Variants in ZSCAN16 observed in about 807,000 individuals in gnomAD.
The protein encoded by ZSCAN16 is zinc finger and SCAN domain-containing protein 16.
A neutral mutation model predicts 19.4 loss-of-function variants in ZSCAN16; 15 were observed. That is an observed-to-expected ratio of 0.77 (90% confidence interval 0.52 to 1.19). The LOEUF (loss-of-function observed/expected upper bound fraction) is 1.19. Among genes scored for constraint, ZSCAN16 ranks in the 50% most tolerant of loss-of-function variants. ZSCAN16 has a pLI of 0.00. For synonymous variants in ZSCAN16, 138 were observed against 146.5 expected, an observed-to-expected ratio of 0.94 and a Z score of 0.42; for missense variants, 327 against 415.7, an observed-to-expected ratio of 0.79 and a Z score of 1.86.
chr6:28,126,879 A>C lies in ZSCAN16; in HGVS notation c.484A>C (p.Lys162Gln). ...ESLTVQLHPK[K>Q]TQLEQEAGKP... ...ACTGACTGTCCAGCTCCATCCCAAA[A>C]AGACCCAGCTGGAGCAGGAAGCTGG... Residue 162 changes from lysine (K) to glutamine (Q), a missense_variant, in exon 3 of 4, where the codon AAG becomes CAG. By Grantham distance (53) the Lys-to-Gln change is moderately conservative. Coordinates refer to ENST00000340487, the MANE Select transcript of ZSCAN16 (RefSeq NM_025231.3). 3.2e-6 allele frequency: 5 copies of C among 1,584,342 alleles called. No individual in the cohort carries two copies. The highest frequency in any genetic ancestry group is 4.3e-6 in the Non-Finnish European group (5 of 1,160,508).
rs375897445 is a variant in ZSCAN16 at position 28,126,768 on chromosome 6, C to G, written c.388-15C>G. The G allele has an allele frequency of 7.0e-7, 1 of 1,418,742 alleles. No homozygotes were observed. The highest frequency in any genetic ancestry group is 1.5e-5 in the African/African-American group (1 of 68,808). The allele number at this position is 1,418,742 out of a possible 1,614,324, so 87.9% of individuals were successfully genotyped here. On this transcript the variant is annotated splice_polypyrimidine_tract_variant and intron_variant, in intron 2 of 3. Transcript: ENST00000340487. Reference sequence around the variant, plus strand: ...GTTTCCATAAAATTCACCTTACACACCTCATTTTCCCTAGGTCCCAGGCAA... The same window carrying G: ...GTTTCCATAAAATTCACCTTACACAGCTCATTTTCCCTAGGTCCCAGGCAA...
rs191754783 is a variant in ZSCAN16 at position 28,125,344 on chromosome 6, A to G, written c.-31-69A>G. On this transcript the variant is annotated intron_variant, in intron 1 of 3. Coordinates refer to ENST00000340487, the MANE Select transcript of ZSCAN16 (RefSeq NM_025231.3). This position sits in a 1 kb window ranked among gnomAD's most constrained non-coding sequence, Gnocchi z 6.2. The stretch of plus-strand genomic sequence containing the variant: ...AAATTTTTGTAATTTCTCTATGGTA[A>G]CAACTTTTTATGCCTTAGGAGTGTC... 1.3e-3 allele frequency: 1,907 copies of G among 1,501,814 alleles called. 11 individuals are homozygous for G. The African/African-American group carries it at 0.014, about 11-fold the overall frequency. The allele number at this position is 1,501,814 out of a possible 1,614,324, so 93.0% of individuals were successfully genotyped here. A position where few individuals can be genotyped will look rare whatever the true frequency, so the allele number is the denominator to read the frequency against.
chr6:28,126,005 C>T (rs1307434595), intron 2 of ZSCAN16, among the ~76,000 whole-genome samples, 175 bp downstream of exon 2: 1 of 152,168 alleles, frequency 6.6e-6, no homozygotes, highest in African/African-American at 2.4e-5. Context: ...AGAGGAGAGT[C>T]ACTAGACTGA....
Position 28,125,932 on chromosome 6 carries a change from G to C in ZSCAN16, c.387+102G>C. The C allele has an allele frequency of 1.1e-6, 1 of 948,548 alleles. No individual in the cohort carries two copies. Among genetic ancestry groups the C allele is most frequent in the Non-Finnish European group, 1.5e-6 (1 of 647,204 alleles). The allele number at this position is 948,548 out of a possible 1,614,324, so 58.8% of individuals were successfully genotyped here. On this transcript the variant is annotated intron_variant, in intron 2 of 3. Transcript: ENST00000340487. This position sits in a 1 kb window ranked among gnomAD's most constrained non-coding sequence, Gnocchi z 6.2. ...CATCTGAAAATATTTATCCTCTAAA[G>C]AACAAGGCATAGGAAGGGACCTGAC...
At position 28,125,748 on chromosome 6, in the gene ZSCAN16, G is replaced by A. The variant is rs34879925; in HGVS notation, c.305G>A (p.Arg102His). 3,630 of 1,614,124 alleles carry A rather than the reference G, an allele frequency of 2.2e-3. 35 individuals carry two copies. In the African/African-American group the frequency reaches 0.023, roughly 10 times the overall value. ...CCTAAAGACCTGCAAGCATGGGTGC[G>A]TGCACACCATCCAGAGACTGGAGAG... ...ILPKDLQAWV[R>H]AHHPETGEEA... is the part of the protein sequence containing the mutation. The change falls in exon 2 of 4, where the codon CGT (arginine) becomes CAT (histidine). Residue 102 changes from arginine (R) to histidine (H), a missense_variant. By Grantham distance (29) the Arg-to-His change is conservative. Transcript: ENST00000340487. This position sits in a 1 kb window ranked among gnomAD's most constrained non-coding sequence, Gnocchi z 6.2.
chr6:28,127,282 A>G (rs1364204659), intron 3 of ZSCAN16, among the ~76,000 whole-genome samples: 1 of 152,148 alleles, frequency 6.6e-6, no homozygotes, highest in Non-Finnish European at 1.5e-5. Context: ...CCATGGACTT[A>G]TGGGTGGCTT....
rs756394908 is a variant in ZSCAN16 at position 28,129,670 on chromosome 6, G to A, written c.767G>A (p.Arg256Lys). Residue 256 changes from arginine to lysine, a missense_variant, in exon 4 of 4, where the codon AGA (arginine) becomes AAA (lysine). Arg to Lys is a conservative substitution (Grantham distance 26, BLOSUM62 2). Coordinates refer to ENST00000340487, the MANE Select transcript of ZSCAN16 (RefSeq NM_025231.3). ...SHSSDLSKHR[R>K]THTGEKPYKC... ...AGCTCAGACCTTAGTAAACACAGGAGAACTCACACGGGAGAGAAGCCCTAT... is the reference window on the plus strand; with the variant it reads ...AGCTCAGACCTTAGTAAACACAGGAAAACTCACACGGGAGAGAAGCCCTAT... 2 of 1,614,212 alleles carry A rather than the reference G, an allele frequency of 1.2e-6. No homozygotes were observed. The highest frequency in any genetic ancestry group is 2.7e-5 in the African/African-American group (2 of 75,074).
chr6:28,125,196 C>T lies in ZSCAN16; in HGVS notation c.-31-217C>T, dbSNP rs1267480307. 6.6e-6 allele frequency among the ~76,000 whole-genome samples: 1 copy of T among 151,030 alleles called. No homozygotes were observed. Among genetic ancestry groups the T allele is most frequent in the African/African-American group, 2.5e-5 (1 of 40,512 alleles). The stretch of plus-strand genomic sequence containing the variant: ...TACACAATAGAGCACAGATTCAAAT[C>T]ATATCCCTGCGTCACTGTTTTTTGT... On this transcript the variant is annotated intron_variant, in intron 1 of 3. Coordinates refer to ENST00000340487, the MANE Select transcript of ZSCAN16 (RefSeq NM_025231.3). The surrounding 1 kb of genome is among the most constrained non-coding windows in gnomAD (Gnocchi z 6.2).
intron 3 of ZSCAN16, among the ~76,000 whole-genome samples, chr6:28,128,109 C>T (rs539977605): frequency 2.6e-5 from 4 of 152,132 alleles, no homozygotes; most frequent in South Asian, 4.2e-4. Flanking sequence ...TTAGAAGTGA[C>T]GTTAAGAACC....
intron 3 of ZSCAN16, among the ~76,000 whole-genome samples, chr6:28,128,404 C>T (rs1764962967): frequency 6.6e-6 from 1 of 152,088 alleles, no homozygotes; most frequent in South Asian, 2.1e-4. Context: ...CTTCAAGAAG[C>T]AGGAGAGTGA....
At chr6:28,129,253 C>A in intron 3 of ZSCAN16, 177 bp from the exon 4 acceptor site, 1 of 313,080 alleles carries the variant, frequency 3.2e-6, no homozygotes, top group Non-Finnish European at 4.7e-6. Flanking sequence ...TACATTGTGA[C>A]TCTGTGCTAT....
chr6:28,125,533 A>G lies in ZSCAN16; in HGVS notation c.90A>G (p.Gln30=). Residue 30 remains glutamine (Q), a synonymous_variant, in exon 2 of 4, where the codon CAA becomes CAG. Transcript: ENST00000340487. This position sits in a 1 kb window ranked among gnomAD's most constrained non-coding sequence, Gnocchi z 6.2. ...ACTGGGGACAGGATTCCAGCTCACA[A>G]AAGTGCAGTCCTCACAGGAGGGAAC... ...DHYWGQDSSS[Q]KCSPHRRELY... 1.2e-6 allele frequency: 2 copies of G among 1,614,222 alleles called. No individual in the cohort carries two copies. The highest frequency in any genetic ancestry group is 1.7e-6 in the Non-Finnish European group (2 of 1,180,034).
chr6:28,125,702 G>T lies in ZSCAN16; in HGVS notation c.259G>T (p.Glu87Ter). ...GCAGATTTTAGACCTGCTGGTGCTA[G>T]AACAGTTCCTGAGCATTCTTCCTAA... ...KEQILDLLVLEQFLSILPKDL... is the reference protein window; with the variant it reads ...KEQILDLLVL Residue 87 changes from glutamate (E) to a stop codon, truncating the protein, a stop_gained, in exon 2 of 4, where the codon GAA (glutamate) becomes TAA (stop). Transcript: ENST00000340487. LOFTEE classifies it high-confidence loss of function. This position sits in a 1 kb window ranked among gnomAD's most constrained non-coding sequence, Gnocchi z 6.2. The T allele has an allele frequency of 6.2e-7, 1 of 1,614,224 alleles. No individual in the cohort carries two copies. Among genetic ancestry groups the T allele is most frequent in the South Asian group, 1.1e-5 (1 of 91,088 alleles).
intron 3 of ZSCAN16, among the ~76,000 whole-genome samples, chr6:28,128,870 T>C (rs1764975505): frequency 6.6e-6 from 1 of 152,210 alleles, no homozygotes; most frequent in Non-Finnish European, 1.5e-5. Context: ...CTGACCTGCA[T>C]GTTGTCATGC....
chr6:28,127,752 G>A (rs1304551692), intron 3 of ZSCAN16, among the ~76,000 whole-genome samples: 1 of 152,188 alleles, frequency 6.6e-6, no homozygotes, highest in African/African-American at 2.4e-5. Flanking sequence ...AGGGTGTCTA[G>A]TGTATCCCCA....
At position 28,125,948 on chromosome 6, in the gene ZSCAN16, G is replaced by A; in HGVS notation, c.387+118G>A. 4 of 769,152 alleles carry A rather than the reference G, an allele frequency of 5.2e-6. No individual in the cohort carries two copies. Among genetic ancestry groups the A allele is most frequent in the Non-Finnish European group, 8.2e-6 (4 of 488,356 alleles). The allele number at this position is 769,152 out of a possible 1,614,324, so 47.6% of individuals were successfully genotyped here. A position where few individuals can be genotyped will look rare whatever the true frequency, so the allele number is the denominator to read the frequency against. On this transcript the variant is annotated intron_variant, in intron 2 of 3. Coordinates refer to ENST00000340487, the MANE Select transcript of ZSCAN16 (RefSeq NM_025231.3). The surrounding 1 kb of genome is among the most constrained non-coding windows in gnomAD (Gnocchi z 6.2). The stretch of plus-strand genomic sequence containing the variant: ...TCCTCTAAAGAACAAGGCATAGGAA[G>A]GGACCTGACTACCTATGTCAAATAA...
In ZSCAN16 at chr6:28,126,952, G is replaced by A; in HGVS notation, c.526+31G>A. On this transcript the variant is annotated intron_variant, in intron 3 of 3. Transcript: ENST00000340487. ...CAGGAACAGTTCTGAGTGTATGAGGGTAGAGGTACTTCCTTAGGTTAGAGG... is the reference window on the plus strand; with the variant it reads ...CAGGAACAGTTCTGAGTGTATGAGGATAGAGGTACTTCCTTAGGTTAGAGG... 4.8e-6 allele frequency: 7 copies of A among 1,454,676 alleles called. No individual in the cohort carries two copies. In the South Asian group the frequency reaches 8.9e-5, roughly 18 times the overall value. The allele number at this position is 1,454,676 out of a possible 1,614,324, so 90.1% of individuals were successfully genotyped here. A position where few individuals can be genotyped will look rare whatever the true frequency, so the allele number is the denominator to read the frequency against.
intron 3 of ZSCAN16, 168 bp from the exon 4 acceptor site, chr6:28,129,260 CTA>C: frequency 2.9e-6 from 1 of 343,560 alleles, no homozygotes; most frequent in Non-Finnish European, 4.1e-6. Context: ...TGACTCTGTG[CTA>C]TGATGATACC....
Position 28,125,222 on chromosome 6 carries a change from T to TTTGTA in ZSCAN16, c.-31-187_-31-186insATTGT, listed in dbSNP as rs1764861887. Among the ~76,000 whole-genome samples, 1 of 151,944 alleles carries TTTGTA rather than the reference T, an allele frequency of 6.6e-6. No individual in the cohort carries two copies. The highest frequency in any genetic ancestry group is 1.5e-5 in the Non-Finnish European group (1 of 67,978). ...ATATCCCTGCGTCACTGTTTTTTGT[T>TTTGTA]TTGTTTTGTTTTGTTTTGTTTCAGC... On this transcript the variant is annotated intron_variant, in intron 1 of 3. Coordinates refer to ENST00000340487, the MANE Select transcript of ZSCAN16 (RefSeq NM_025231.3). This position sits in a 1 kb window ranked among gnomAD's most constrained non-coding sequence, Gnocchi z 6.2.
Sources: gnomAD v4.1 joint callset for allele counts (sites outside exome capture counted in the v4.1 genomes callset) on GRCh38, gnomAD v4.1.1 for gene constraint, Gnocchi (gnomAD v3.1) non-coding constraint, MANE v1.5 for transcripts, NCBI Gene and HGNC (gene_info 2026-07-23, HGNC 2026-07-21) for gene names.